ALPK1: variants seen among roughly 807,000 people sequenced by gnomAD.
ALPK1 encodes the protein alpha kinase 1, also known as alpha-protein kinase 1.
ALPK1 carries 110 observed loss-of-function variants against 120.6 expected under a neutral mutation model. That is an observed-to-expected ratio of 0.91 (90% CI 0.78 to 1.07). ALPK1 has a LOEUF of 1.07. Among genes scored for constraint, ALPK1 ranks in the 50% least tolerant of loss-of-function variants. The pLI, the probability that ALPK1 is intolerant of heterozygous loss-of-function variation, is 0.00. For missense variants in ALPK1, 1,498 were observed against 1,483.9 expected (o/e 1.01, Z -0.16); for synonymous variants, 582 against 560.3 (o/e 1.04, Z -0.55).
chr4:112,440,571 A>C (rs962333124), intron 14 of ALPK1, among the ~76,000 whole-genome samples: 4 of 152,202 alleles, frequency 2.6e-5, no homozygotes, highest in African/African-American at 9.6e-5. Flanking sequence ...GTCACTAAAG[A>C]AATCTCTGAA....
At chr4:112,397,433 C>T (rs181888928) in intron 4 of ALPK1, among the ~76,000 whole-genome samples, 42 of 152,292 alleles carry the variant, frequency 2.8e-4, no homozygotes, top group Admixed American at 2.4e-3. Context: ...AAGGTAATTG[C>T]GGTTTTTGCT....
intron 2 of ALPK1, among the ~76,000 whole-genome samples, chr4:112,355,185 G>T (rs1467921664): frequency 6.6e-6 from 1 of 152,138 alleles, no homozygotes; most frequent in African/African-American, 2.4e-5. Flanking sequence ...ATTGTAAATG[G>T]TGTATTTTTA....
chr4:112,441,019 T>G lies in ALPK1; in HGVS notation c.3641T>G (p.Ile1214Ser). 1 of 1,614,024 alleles carries G rather than the reference T, an allele frequency of 6.2e-7. No homozygotes were observed. The highest frequency in any genetic ancestry group is 8.5e-7 in the Non-Finnish European group (1 of 1,179,928). The stretch of plus-strand genomic sequence containing the variant: ...ACTACCAATTTTGGAAAGAGAGGAA[T>G]TTTTTACTTCTTTAATAACCAGCAT... ...VFTTNFGKRG[I>S]FYFFNNQHVE... The change falls in exon 15 of 16, where the codon ATT (isoleucine) becomes AGT (serine). Residue 1214 changes from isoleucine (I) to serine (S), a missense_variant. Coordinates refer to ENST00000650871, the MANE Select transcript of ALPK1 (RefSeq NM_025144.4).
chr4:112,354,429 G>A (rs1460336754), intron 2 of ALPK1, among the ~76,000 whole-genome samples: 1 of 151,662 alleles, frequency 6.6e-6, no homozygotes, highest in Non-Finnish European at 1.5e-5. Flanking sequence ...ATATATGTAA[G>A]GTCAATTTTT....
At chr4:112,337,354 A>G (rs2158183) in intron 2 of ALPK1, among the ~76,000 whole-genome samples, 100,131 of 151,948 alleles carry the variant, frequency 0.66, 33,686 homozygotes, top group East Asian at 0.89. Context: ...AAGTCTGGAA[A>G]TGTATTGGAA....
At position 112,432,053 on chromosome 4, in the gene ALPK1, G is replaced by A; in HGVS notation, c.2506G>A (p.Gly836Ser). The A allele has an allele frequency of 6.2e-7, 1 of 1,613,986 alleles. No homozygotes were observed. The highest frequency in any genetic ancestry group is 8.5e-7 in the Non-Finnish European group (1 of 1,179,930). ...PVQNPDSRKS[G>S]GPVAEQGIDP... ...TCAAAATCCTGACTCCAGAAAAAGT[G>A]GTGGCCCAGTCGCAGAGCAGGGCAT... is the stretch of plus-strand genomic sequence containing the variant. The change falls in exon 11 of 16, where the codon GGT (glycine) becomes AGT (serine). Residue 836 changes from glycine to serine, a missense_variant. Physicochemically the swap from Gly to Ser is moderately conservative, Grantham distance 56. Transcript: ENST00000650871.
Position 112,430,693 on chromosome 4 carries a change from T to C in ALPK1, c.1146T>C (p.Cys382=). 6.2e-7 allele frequency: 1 copy of C among 1,614,152 alleles called. No individual in the cohort carries two copies. The highest frequency in any genetic ancestry group is 8.5e-7 in the Non-Finnish European group (1 of 1,180,022). Residue 382 remains cysteine (C), a synonymous_variant, in exon 11 of 16, where the codon TGT becomes TGC. Transcript: ENST00000650871. ...CGGTCCATGCAGCAAGTCAGCTCTG[T>C]AAGGAAGCAATGGGGAAGCTGTACA... ...TGTVHAASQL[C]KEAMGKLYNF...
Position 112,442,225 on chromosome 4 carries a change from C to T in ALPK1, c.*1015C>T, listed in dbSNP as rs231256. 0.68 allele frequency: 103,175 copies of T among 152,066 alleles called. 35,165 individuals are homozygous for T. The highest frequency in any genetic ancestry group is 0.73 in the African/African-American group (30,473 of 41,466). The allele number at this position is 152,066 out of a possible 1,614,324, so 9.4% of individuals were successfully genotyped here. A position where few individuals can be genotyped will look rare whatever the true frequency, so the allele number is the denominator to read the frequency against. On this transcript the variant is annotated 3_prime_UTR_variant, in exon 16 of 16. Coordinates refer to ENST00000650871, the MANE Select transcript of ALPK1 (RefSeq NM_025144.4). Reference sequence around the variant, plus strand: ...CCCATGACACATGGGAATTATGGGACTACAATTCGAGATGAGATTTGGGTG... The same window carrying T: ...CCCATGACACATGGGAATTATGGGATTACAATTCGAGATGAGATTTGGGTG...
In ALPK1 at chr4:112,431,677, T is replaced by C. The variant is rs376353618; in HGVS notation, c.2130T>C (p.Ser710=). The C allele has an allele frequency of 1.2e-5, 19 of 1,614,104 alleles. No individual in the cohort carries two copies. The African/African-American group carries it at 1.2e-4, about 10-fold the overall frequency. The change falls in exon 11 of 16, where the codon TCT becomes TCC. Residue 710 remains serine, a synonymous_variant. Transcript: ENST00000650871. ...GAAATATGGGACCCAGAAATACTTC[T>C]GCTCACTCCAGACCCTCATATCGTT... ...EVRNMGPRNT[S]AHSRPSYRSA...
In ALPK1 at chr4:112,438,662, A is replaced by T. The variant is rs1312066667; in HGVS notation, c.3351+16A>T. On this transcript the variant is annotated intron_variant, in intron 13 of 15. Transcript: ENST00000650871. ...AATACTACTGGTAAGATTATCCTGA[A>T]CACATCATTTGGATCTTCCAAATCA... The T allele has an allele frequency of 1.2e-6, 2 of 1,608,626 alleles. No individual in the cohort carries two copies. Among genetic ancestry groups the T allele is most frequent in the East Asian group, 2.2e-5 (1 of 44,822 alleles).
At position 112,358,060 on chromosome 4, in the gene ALPK1, T is replaced by C. The variant is rs568780542; in HGVS notation, c.-100-19618T>C. ...GTAGTGTGATCATCACGGGCCTCCA[T>C]AGCCCCCACGCATGGACCCCCTGGT... On this transcript the variant is annotated intron_variant, in intron 2 of 15. Coordinates refer to ENST00000650871, the MANE Select transcript of ALPK1 (RefSeq NM_025144.4). The C allele has an allele frequency of 7.7e-5, 45 of 584,490 alleles. 2 individuals carry two copies. The highest frequency in any genetic ancestry group is 7.0e-4 in the South Asian group (45 of 63,830). The allele number at this position is 584,490 out of a possible 1,614,324, so 36.2% of individuals were successfully genotyped here.
intron 2 of ALPK1, chr4:112,359,421 C>T: frequency 3.2e-6 from 1 of 309,264 alleles, no homozygotes; most frequent in East Asian, 7.0e-5. Context: ...GAACATCCCC[C>T]TGCTGCAGAG....
intron 2 of ALPK1, among the ~76,000 whole-genome samples, chr4:112,374,831 G>T (rs765233454): frequency 1.3e-5 from 2 of 152,192 alleles, no homozygotes; most frequent in African/African-American, 2.4e-5. Flanking sequence ...TGGGAGGTAG[G>T]TCTCAACAGG....
chr4:112,400,060 C>T (rs1223336192), intron 4 of ALPK1, among the ~76,000 whole-genome samples: 1 of 152,142 alleles, frequency 6.6e-6, no homozygotes, highest in East Asian at 1.9e-4. Flanking sequence ...AATAAACACA[C>T]ATGTGCATGT....
At chr4:112,440,805 C>G in intron 14 of ALPK1, 112 bp from the exon 15 acceptor site, 1 of 1,264,504 alleles carries the variant, frequency 7.9e-7, no homozygotes, top group African/African-American at 1.8e-5. Flanking sequence ...TTTGAATTAT[C>G]TCTTTAAGTG....
chr4:112,422,840 C>T (rs1734061113), intron 5 of ALPK1, among the ~76,000 whole-genome samples: 1 of 152,196 alleles, frequency 6.6e-6, no homozygotes, highest in Non-Finnish European at 1.5e-5. Context: ...TCTGCATGGG[C>T]CTCTCCATGT....
At chr4:112,358,086 T>C in intron 2 of ALPK1, 1 of 583,922 alleles carries the variant, frequency 1.7e-6, no homozygotes, top group South Asian at 1.5e-5. Flanking sequence ...ACCCCCTGGT[T>C]GTCCTTAAGA....
Position 112,380,471 on chromosome 4 carries a change from C to G in ALPK1, c.122-1927C>G, listed in dbSNP as rs549189408. Among the ~76,000 whole-genome samples, 4 of 152,298 alleles carry G rather than the reference C, an allele frequency of 2.6e-5. No homozygotes were observed. The East Asian group carries it at 7.7e-4, about 29-fold the overall frequency. On this transcript the variant is annotated intron_variant, in intron 3 of 15. Transcript: ENST00000650871. ...TCCTCGGTAATCAGTGTGAATCATTCATTGGCATAGCCCATGTGATATCCC... is the reference window on the plus strand; with the variant it reads ...TCCTCGGTAATCAGTGTGAATCATTGATTGGCATAGCCCATGTGATATCCC...
At chr4:112,315,358 C>T (rs1023272606) in intron 1 of ALPK1, among the ~76,000 whole-genome samples, 3 of 152,140 alleles carry the variant, frequency 2.0e-5, no homozygotes, top group Admixed American at 6.5e-5. Flanking sequence ...AAGATGTCAA[C>T]CCCAGAGGTT....
Sources: allele counts gnomAD v4.1 joint callset (sites outside exome capture counted in the v4.1 genomes callset), GRCh38; gene constraint gnomAD v4.1.1; transcripts MANE v1.5; gene names NCBI Gene and HGNC (gene_info 2026-07-23, HGNC 2026-07-21).